PAX3: variants seen among roughly 807,000 people sequenced by gnomAD.
PAX3 encodes the protein paired box protein Pax-3.
A neutral mutation model predicts 51.6 loss-of-function variants in PAX3; 14 were observed. That is an observed-to-expected ratio of 0.27 (90% CI 0.18 to 0.42). PAX3 has a LOEUF of 0.42. Ranked by LOEUF, PAX3 falls within the 10% of genes least tolerant of loss-of-function variation. The pLI, the probability that PAX3 is intolerant of heterozygous loss-of-function variation, is 1.00. For missense variants in PAX3, 540 were observed against 642.8 expected (o/e 0.84, Z 1.73); for synonymous variants, 280 against 253.4 (o/e 1.11, Z -1.00).
At chr2:222,209,439 T>C (rs2106048253) in intron 7 of PAX3, among the ~76,000 whole-genome samples, 1 of 152,078 alleles carries the variant, frequency 6.6e-6, no homozygotes, top group South Asian at 2.1e-4. Context: ...GGAAAGGTAT[T>C]TCTGGTAATC....
chr2:222,283,878 A>G (rs1252925517), intron 4 of PAX3, among the ~76,000 whole-genome samples: 3 of 152,240 alleles, frequency 2.0e-5, no homozygotes, highest in Non-Finnish European at 4.4e-5. Flanking sequence ...CAGTGGCTGC[A>G]CTGCCAAGCT....
intron 4 of PAX3, among the ~76,000 whole-genome samples, chr2:222,270,644 T>C (rs550337198): frequency 8.5e-5 from 13 of 152,204 alleles, no homozygotes; most frequent in Non-Finnish European, 1.9e-4. Context: ...CCAGCCAATC[T>C]GCATAAATCT....
In PAX3 at chr2:222,293,156, T is replaced by A. The variant is rs1008429421; in HGVS notation, c.586+1011A>T. Among the ~76,000 whole-genome samples the A allele has an allele frequency of 3.3e-5, 5 of 152,146 alleles. 1 individual carries two copies. The highest frequency in any genetic ancestry group is 1.2e-4 in the African/African-American group (5 of 41,424). On this transcript the variant is annotated intron_variant, in intron 4 of 8. Transcript: ENST00000392070. ...CAACTCCAAAACTAACTTTGCCCAA[T>A]GAACTCCAAGTCCCAGGTGAGGAAA...
intron 4 of PAX3, among the ~76,000 whole-genome samples, chr2:222,288,194 T>G (rs1574752754): frequency 6.6e-6 from 1 of 152,364 alleles, no homozygotes; most frequent in East Asian, 1.9e-4. Context: ...ATAAAATGAT[T>G]CAAGGAAATA....
chr2:222,284,317 A>G (rs1006179690), intron 4 of PAX3, among the ~76,000 whole-genome samples: 1 of 152,360 alleles, frequency 6.6e-6, no homozygotes, highest in Non-Finnish European at 1.5e-5. Flanking sequence ...CTCGTTTTCA[A>G]AAAAGCAACG....
At chr2:222,255,694 C>T (rs1189542260) in intron 4 of PAX3, among the ~76,000 whole-genome samples, 7 of 152,030 alleles carry the variant, frequency 4.6e-5, no homozygotes, top group Middle Eastern at 3.4e-3. Flanking sequence ...GAGTGAATTC[C>T]GTGATCTGTC....
Position 222,294,173 on chromosome 2 carries a change from C to T in PAX3, c.580G>A (p.Glu194Lys), listed in dbSNP as rs148454691. ...CCAAGGCGCCACCGCTTACCTCGCT[C>T]GCTCAGGATGCCGTCGATGCTGTGT... is the stretch of plus-strand genomic sequence containing the variant. ...AKHSIDGILSERASAPQSDEG... is the reference protein window; with the variant it reads ...AKHSIDGILSKRASAPQSDEG... Residue 194 changes from glutamate (E) to lysine (K), a missense_variant, in exon 4 of 9, where the codon GAG becomes AAG. Physicochemically the swap from Glu to Lys is moderately conservative, Grantham distance 56 (BLOSUM62 1). Coordinates refer to ENST00000392070, the MANE Select transcript of PAX3 (RefSeq NM_181458.4). 352 of 1,614,132 alleles carry T rather than the reference C, an allele frequency of 2.2e-4. No homozygotes were observed. Among genetic ancestry groups the T allele is most frequent in the Non-Finnish European group, 2.8e-4 (333 of 1,180,056 alleles).
intron 4 of PAX3, among the ~76,000 whole-genome samples, chr2:222,286,605 G>T (rs1282622177): frequency 6.6e-6 from 1 of 152,214 alleles, no homozygotes; most frequent in Non-Finnish European, 1.5e-5. Flanking sequence ...AATGTAAAAT[G>T]GTGCGAACTT....
At chr2:222,208,040 G>T (rs1008440231) in intron 7 of PAX3, among the ~76,000 whole-genome samples, 1 of 150,426 alleles carries the variant, frequency 6.6e-6, no homozygotes, top group African/African-American at 2.5e-5. Flanking sequence ...TTTACTTCTA[G>T]CCAGTGATGA....
intron 4 of PAX3, among the ~76,000 whole-genome samples, chr2:222,261,546 C>G (rs1468879221): frequency 6.6e-6 from 1 of 151,130 alleles, no homozygotes; most frequent in Non-Finnish European, 1.5e-5. Context: ...TTGTCCTCTT[C>G]TGAGGCAGAA....
chr2:222,281,502 T>C (rs1271205276), intron 4 of PAX3, among the ~76,000 whole-genome samples: 1 of 152,222 alleles, frequency 6.6e-6, no homozygotes, highest in Non-Finnish European at 1.5e-5. Flanking sequence ...CCACTTCCCT[T>C]CACCTGTATA....
intron 4 of PAX3, among the ~76,000 whole-genome samples, chr2:222,258,725 C>T (rs1273843950): frequency 1.3e-5 from 2 of 152,172 alleles, no homozygotes; most frequent in East Asian, 3.8e-4. Flanking sequence ...TTCCCAACCT[C>T]GCATACTGTT....
intron 1 of PAX3, among the ~76,000 whole-genome samples, chr2:222,297,685 A>G (rs1051027273): frequency 1.3e-5 from 2 of 152,246 alleles, no homozygotes; most frequent in Non-Finnish European, 2.9e-5. Flanking sequence ...CCAAAAGTGC[A>G]GCAGCCAAGG....
chr2:222,260,575 T>G (rs1042192811), intron 4 of PAX3, among the ~76,000 whole-genome samples: 13 of 77,568 alleles, frequency 1.7e-4, no homozygotes, highest in South Asian at 5.8e-4. Context: ...GTTTTTTTTT[T>G]TTGTTTTTTT....
At chr2:222,277,485 T>A (rs1694463427) in intron 4 of PAX3, among the ~76,000 whole-genome samples, 1 of 152,188 alleles carries the variant, frequency 6.6e-6, no homozygotes, top group Non-Finnish European at 1.5e-5. Flanking sequence ...TTATCTAATA[T>A]TTATAAAACA....
chr2:222,217,744 AG>A (rs1692023475), intron 7 of PAX3, among the ~76,000 whole-genome samples: 1 of 152,206 alleles, frequency 6.6e-6, no homozygotes, highest in Non-Finnish European at 1.5e-5. Context: ...CAAGTAAACC[AG>A]GGTGTTAGAC....
chr2:222,227,016 T>C (rs371101346), intron 5 of PAX3, among the ~76,000 whole-genome samples: 1 of 152,006 alleles, frequency 6.6e-6, no homozygotes, highest in African/African-American at 2.4e-5. Flanking sequence ...TGGTGGGGCA[T>C]GAACCCCAGC....
chr2:222,249,120 C>A (rs1693330986), intron 4 of PAX3, among the ~76,000 whole-genome samples: 1 of 152,168 alleles, frequency 6.6e-6, no homozygotes, highest in African/African-American at 2.4e-5. Flanking sequence ...GCAGCAGCAG[C>A]ACCCCCACCA....
In PAX3 at chr2:222,281,880, G is replaced by A. The variant is rs368011810; in HGVS notation, c.586+12287C>T. Reference sequence around the variant, plus strand: ...ATTTCCATAGGCAAGTCAGAGAGAAGGCAAGAAGGGAATTGAGGGCACCTT... The same window carrying A: ...ATTTCCATAGGCAAGTCAGAGAGAAAGCAAGAAGGGAATTGAGGGCACCTT... On this transcript the variant is annotated intron_variant, in intron 4 of 8. Coordinates refer to ENST00000392070, the MANE Select transcript of PAX3 (RefSeq NM_181458.4). Among the ~76,000 whole-genome samples, 232 of 152,298 alleles carry A rather than the reference G, an allele frequency of 1.5e-3. 2 individuals are homozygous for A. Among genetic ancestry groups the A allele is most frequent in the African/African-American group, 5.1e-3 (214 of 41,564 alleles).
Sources: allele counts gnomAD v4.1 joint callset (sites outside exome capture counted in the v4.1 genomes callset), GRCh38; gene constraint gnomAD v4.1.1; transcripts MANE v1.5; gene names NCBI Gene and HGNC (gene_info 2026-07-23, HGNC 2026-07-21).